KIF26B: variants seen among roughly 807,000 people sequenced by gnomAD.
The protein encoded by KIF26B is kinesin-like protein KIF26B.
In KIF26B, 63 loss-of-function variants were observed where a neutral mutation model predicts 151.2. That is an observed-to-expected ratio of 0.42 (90% confidence interval 0.34 to 0.51). The LOEUF (loss-of-function observed/expected upper bound fraction) is 0.51. Among genes scored for constraint, KIF26B ranks in the 20% least tolerant of loss-of-function variants. The pLI is 0.07. For synonymous variants in KIF26B, 1,357 were observed against 1,262.1 expected, an observed-to-expected ratio of 1.08 and a Z score of -1.59; for missense variants, 2,813 against 2,913.6, an observed-to-expected ratio of 0.97 and a Z score of 0.79.
intron 12 of KIF26B, among the ~76,000 whole-genome samples, chr1:245,689,897 G>A (rs1057362525): frequency 5.9e-5 from 9 of 152,120 alleles, no homozygotes; most frequent in Non-Finnish European, 2.9e-5. Flanking sequence ...CAAAAGGCAC[G>A]TACTCCAGAA....
chr1:245,523,846 G>T (rs143212797), intron 4 of KIF26B, among the ~76,000 whole-genome samples: 3 of 152,162 alleles, frequency 2.0e-5, no homozygotes, highest in Non-Finnish European at 4.4e-5. Context: ...AACAAGGATT[G>T]ATTAATCCAA....
intron 4 of KIF26B, among the ~76,000 whole-genome samples, chr1:245,520,461 G>A (rs966403768): frequency 1.4e-4 from 22 of 152,068 alleles, no homozygotes; most frequent in Non-Finnish European, 1.3e-4. Context: ...AATATTTTAC[G>A]TGTTGTCATC....
rs140265837 is a variant in KIF26B at position 245,192,821 on chromosome 1, C to T, written c.465+36138C>T. On this transcript the variant is annotated intron_variant, in intron 2 of 14. Coordinates refer to ENST00000407071, the MANE Select transcript of KIF26B (RefSeq NM_018012.4). ...GGTGCGTGTGCAGGTGCACGTGTCC[C>T]GTTCTGTAGTGGTGGGGATTGGGTT... is the stretch of plus-strand genomic sequence containing the variant. Among the ~76,000 whole-genome samples, 8 of 152,264 alleles carry T rather than the reference C, an allele frequency of 5.3e-5. No individual in the cohort carries two copies. In the East Asian group the frequency reaches 1.2e-3, roughly 22 times the overall value.
chr1:245,214,849 A>G (rs568286115), intron 2 of KIF26B, among the ~76,000 whole-genome samples: 213 of 152,298 alleles, frequency 1.4e-3, no homozygotes, highest in Non-Finnish European at 1.7e-3. Context: ...TGAAAAATAA[A>G]TAAGTAAATA....
chr1:245,264,840 C>G (rs1451014016), intron 2 of KIF26B, among the ~76,000 whole-genome samples: 2 of 149,560 alleles, frequency 1.3e-5, no homozygotes, highest in East Asian at 4.0e-4. Context: ...TTGCAGAGAG[C>G]CGAGATCGAG....
chr1:245,382,890 T>A lies in KIF26B; in HGVS notation c.999+15523T>A, dbSNP rs184885231. ...GCTAGCACTGGTTTTAAATTATATA[T>A]GTATATTCTATATTGTATATATATA... On this transcript the variant is annotated intron_variant, in intron 3 of 14. Transcript: ENST00000407071. 9.1e-3 allele frequency among the ~76,000 whole-genome samples: 1,381 copies of A among 150,988 alleles called. 19 individuals are homozygous for A. The highest frequency in any genetic ancestry group is 0.032 in the African/African-American group (1,307 of 41,248).
At chr1:245,208,882 G>T (rs984177256) in intron 2 of KIF26B, among the ~76,000 whole-genome samples, 3 of 152,172 alleles carry the variant, frequency 2.0e-5, no homozygotes, top group African/African-American at 7.2e-5. Context: ...CAGCAAAAAC[G>T]CTGTCACTGC....
chr1:245,652,961 T>C (rs2044036346), intron 10 of KIF26B, among the ~76,000 whole-genome samples: 1 of 152,214 alleles, frequency 6.6e-6, no homozygotes, highest in African/African-American at 2.4e-5. Context: ...TTCAAGTGTA[T>C]CTTCCTTTAT....
intron 3 of KIF26B, among the ~76,000 whole-genome samples, chr1:245,394,684 CTTTCTTTTTTTTT>C (rs1413211023): frequency 8.0e-6 from 1 of 124,400 alleles, no homozygotes; most frequent in Non-Finnish European, 1.5e-5. Context: ...AAGTTTTTTT[CTTTCTTTTTTTTT>C]TTTTTTTTTT....
chr1:245,178,903 C>A (rs1028456797), intron 2 of KIF26B, among the ~76,000 whole-genome samples: 4 of 152,094 alleles, frequency 2.6e-5, no homozygotes, highest in African/African-American at 9.7e-5. Flanking sequence ...TCCTCAGGCA[C>A]CTGACGTTGG....
chr1:245,451,579 A>T lies in KIF26B; in HGVS notation c.1166+31834A>T, dbSNP rs948076191. 2.4e-5 allele frequency among the ~76,000 whole-genome samples: 3 copies of T among 127,500 alleles called. No individual in the cohort carries two copies. In the South Asian group the frequency reaches 7.5e-4, roughly 32 times the overall value. The allele number at this position is 127,500 out of a possible 152,430, so 83.6% of individuals were successfully genotyped here. A position where few individuals can be genotyped will look rare whatever the true frequency, so the allele number is the denominator to read the frequency against. ...ACAAAGTATAATATGTATCCAGAAG[A>T]TCTATCTTTTTTTTTTTTTTTTTTT... On this transcript the variant is annotated intron_variant, in intron 4 of 14. Coordinates refer to ENST00000407071, the MANE Select transcript of KIF26B (RefSeq NM_018012.4).
chr1:245,309,680 C>G (rs1038549631), intron 2 of KIF26B, among the ~76,000 whole-genome samples: 2 of 147,706 alleles, frequency 1.4e-5, no homozygotes, highest in South Asian at 4.2e-4. Flanking sequence ...TAATAAATAT[C>G]TCTCACTATA....
chr1:245,561,982 C>T (rs1430138516), intron 5 of KIF26B, among the ~76,000 whole-genome samples: 2 of 152,246 alleles, frequency 1.3e-5, no homozygotes, highest in Non-Finnish European at 2.9e-5. Context: ...CTGAAGGGCA[C>T]TCTTCAGTGG....
chr1:245,655,896 T>C (rs6682995), intron 10 of KIF26B, among the ~76,000 whole-genome samples: 91,545 of 151,966 alleles, frequency 0.6, 28,045 homozygotes, highest in African/African-American at 0.68. Flanking sequence ...CCACACGTGA[T>C]TCATAACATT....
intron 4 of KIF26B, among the ~76,000 whole-genome samples, chr1:245,505,203 G>T (rs572307324): frequency 6.6e-6 from 1 of 150,946 alleles, no homozygotes; most frequent in East Asian, 2.0e-4. Context: ...CTCCAAAAGT[G>T]CTGGGATTAC....
At chr1:245,312,271 C>T (rs1229898917) in intron 2 of KIF26B, among the ~76,000 whole-genome samples, 1 of 152,112 alleles carries the variant, frequency 6.6e-6, no homozygotes, top group Admixed American at 6.5e-5. Flanking sequence ...CAACTGATGG[C>T]CCGTGTCAGC....
At chr1:245,637,669 T>C (rs891711299) in intron 9 of KIF26B, among the ~76,000 whole-genome samples, 2 of 152,002 alleles carry the variant, frequency 1.3e-5, no homozygotes, top group African/African-American at 2.4e-5. Flanking sequence ...TTTGAGTTGA[T>C]TTTCATAATG....
chr1:245,655,160 G>A (rs1026194846), intron 10 of KIF26B, among the ~76,000 whole-genome samples: 2 of 152,170 alleles, frequency 1.3e-5, no homozygotes, highest in East Asian at 1.9e-4. Context: ...CCCCTGCCAC[G>A]GCTAACCTCA....
intron 4 of KIF26B, among the ~76,000 whole-genome samples, chr1:245,493,651 G>C (rs1660452432): frequency 1.3e-5 from 2 of 152,214 alleles, no homozygotes; most frequent in Admixed American, 6.5e-5. Flanking sequence ...TACTGAGCCA[G>C]AATTGTCTCA....
Sources: allele counts gnomAD v4.1 joint callset (sites outside exome capture counted in the v4.1 genomes callset), GRCh38; gene constraint gnomAD v4.1.1; transcripts MANE v1.5; gene names NCBI Gene and HGNC (gene_info 2026-07-23, HGNC 2026-07-21).